Variants in CENPW observed in about 807,000 individuals in gnomAD.
CENPW encodes cancer-up-regulated gene 2 protein.
In CENPW, 3 loss-of-function variants were observed where a neutral mutation model predicts 11.1. The ratio of observed to expected loss-of-function variants is 0.27; its 90% CI spans 0.12 to 0.70. The LOEUF is 0.70. Ranked by LOEUF, CENPW falls within the 30% of genes least tolerant of loss-of-function variation. The pLI is 0.77. For synonymous variants in CENPW, 38 were observed against 42.0 expected (o/e 0.91, Z 0.37); for missense variants, 100 against 105.6 (o/e 0.95, Z 0.23).
the CENPW span, among the ~76,000 whole-genome samples, chr6:126,392,206 T>A: frequency 6.6e-6 from 1 of 152,006 alleles, no homozygotes. Flanking sequence ...AATTAATTCC[T>A]TGGTATTTAA....
At chr6:126,360,736 A>G in the CENPW span, among the ~76,000 whole-genome samples, 9 of 151,498 alleles carry the variant, frequency 5.9e-5, no homozygotes, top group African/African-American at 2.2e-4. Flanking sequence ...CTATTGTATT[A>G]TGAAATTTCC....
intron 1 of CENPW, among the ~76,000 whole-genome samples, chr6:126,341,574 T>G (rs1411791750): frequency 6.6e-6 from 1 of 152,186 alleles, no homozygotes; most frequent in Non-Finnish European, 1.5e-5. Context: ...GCCCTTATTT[T>G]TGTTACTTTC....
At chr6:126,410,369 A>T in the CENPW span, among the ~76,000 whole-genome samples, 1 of 152,076 alleles carries the variant, frequency 6.6e-6, no homozygotes, top group African/African-American at 2.4e-5. Flanking sequence ...CTGTCAGTCA[A>T]GTAAGGATTT....
At chr6:126,446,546 T>C in the CENPW span, among the ~76,000 whole-genome samples, 14 of 151,252 alleles carry the variant, frequency 9.3e-5, 1 homozygote, top group South Asian at 1.2e-3. Flanking sequence ...TATAAGCTGC[T>C]CAGAATTTAT....
chr6:126,472,963 A>G, the CENPW span, among the ~76,000 whole-genome samples: 1 of 152,250 alleles, frequency 6.6e-6, no homozygotes, highest in Non-Finnish European at 1.5e-5. Flanking sequence ...TAAACACAAG[A>G]AAGATGCTCA....
chr6:126,375,056 A>G, the CENPW span, among the ~76,000 whole-genome samples: 1 of 152,320 alleles, frequency 6.6e-6, no homozygotes, highest in African/African-American at 2.4e-5. Flanking sequence ...ATCCTCATTC[A>G]TTCAGCAGAC....
chr6:126,458,233 TA>T, the CENPW span, among the ~76,000 whole-genome samples: 1 of 151,292 alleles, frequency 6.6e-6, no homozygotes, highest in Non-Finnish European at 1.5e-5. Flanking sequence ...TGTGGCTGGA[TA>T]AAAATATAAA....
the CENPW span, among the ~76,000 whole-genome samples, chr6:126,413,643 A>G: frequency 6.6e-6 from 1 of 151,978 alleles, no homozygotes; most frequent in Admixed American, 6.6e-5. Flanking sequence ...ACATGGAGAA[A>G]TATATAAAGC....
chr6:126,440,847 G>T, the CENPW span, among the ~76,000 whole-genome samples: 1 of 151,476 alleles, frequency 6.6e-6, no homozygotes, highest in African/African-American at 2.4e-5. Context: ...TATTCAGAAA[G>T]AATGGTCCAT....
the CENPW span, among the ~76,000 whole-genome samples, chr6:126,409,685 C>T: frequency 2.0e-5 from 3 of 151,704 alleles, 1 homozygote; most frequent in African/African-American, 7.3e-5. Context: ...TTTTTTTAGT[C>T]TTTTACTTAA....
At chr6:126,449,434 A>C in the CENPW span, among the ~76,000 whole-genome samples, 21 of 151,114 alleles carry the variant, frequency 1.4e-4, no homozygotes, top group African/African-American at 4.3e-4. Context: ...AAAATGAATG[A>C]TCTCCTTACT....
chr6:126,477,460 AT>A, the CENPW span, among the ~76,000 whole-genome samples: 1 of 151,976 alleles, frequency 6.6e-6, no homozygotes, highest in African/African-American at 2.4e-5. Flanking sequence ...GAGAAAATGT[AT>A]AATAGCTCGT....
At chr6:126,461,279 T>A in the CENPW span, among the ~76,000 whole-genome samples, 2 of 151,952 alleles carry the variant, frequency 1.3e-5, no homozygotes, top group East Asian at 3.9e-4. Context: ...CTCTCTTCTC[T>A]TGTCTGGCCT....
chr6:126,470,707 G>A, the CENPW span, among the ~76,000 whole-genome samples: 1 of 152,234 alleles, frequency 6.6e-6, no homozygotes, highest in Non-Finnish European at 1.5e-5. Context: ...AGCCAGAGGG[G>A]CAGAGCTGCC....
At chr6:126,431,805 G>A in the CENPW span, among the ~76,000 whole-genome samples, 1 of 151,924 alleles carries the variant, frequency 6.6e-6, no homozygotes, top group Non-Finnish European at 1.5e-5. Flanking sequence ...GGTGGCTCAC[G>A]CCTGTAGTCC....
chr6:126,436,491 A>G, the CENPW span, among the ~76,000 whole-genome samples: 9 of 151,868 alleles, frequency 5.9e-5, no homozygotes, highest in African/African-American at 2.2e-4. Context: ...TCATCCAGAT[A>G]TGATATTTCC....
chr6:126,467,841 A>G, the CENPW span, among the ~76,000 whole-genome samples: 2 of 152,248 alleles, frequency 1.3e-5, no homozygotes, highest in South Asian at 4.2e-4. Context: ...TAGCTCAACT[A>G]TTGATCAAAA....
At chr6:126,459,754 G>C in the CENPW span, among the ~76,000 whole-genome samples, 1 of 151,470 alleles carries the variant, frequency 6.6e-6, no homozygotes, top group Non-Finnish European at 1.5e-5. Flanking sequence ...TAAAAAATCA[G>C]TATTAGAAGA....
At chr6:126,412,261 T>C in the CENPW span, among the ~76,000 whole-genome samples, 1 of 151,704 alleles carries the variant, frequency 6.6e-6, no homozygotes, top group Non-Finnish European at 1.5e-5. Flanking sequence ...ATGCTGAGAT[T>C]ACAGGCATGA....
Sources: gnomAD v4.1 joint callset for allele counts (sites outside exome capture counted in the v4.1 genomes callset) on GRCh38, gnomAD v4.1.1 for gene constraint, MANE v1.5 for transcripts, NCBI Gene and HGNC (gene_info 2026-07-23, HGNC 2026-07-21) for gene names.